Variants in ICE2 observed in about 807,000 individuals in gnomAD.
ICE2 encodes the protein interactor of little elongation complex ELL subunit 2, also known as little elongation complex subunit 2.
Under a neutral mutation model 105.4 loss-of-function variants are expected in ICE2, and 87 were observed. The observed-to-expected ratio is 0.83, with a 90% confidence interval of 0.69 to 0.99. The LOEUF is 0.99. Ranked by LOEUF, ICE2 falls within the 50% of genes least tolerant of loss-of-function variation. The pLI, the probability that ICE2 is intolerant of heterozygous loss-of-function variation, is 0.00. For synonymous variants in ICE2, 399 were observed against 392.0 expected (o/e 1.02, Z -0.21); for missense variants, 1,323 against 1,146.7 (o/e 1.15, Z -2.22).
chr15:60,463,806 C>G (rs2064346008), intron 5 of ICE2, among the ~76,000 whole-genome samples: 1 of 151,946 alleles, frequency 6.6e-6, no homozygotes, highest in Admixed American at 6.6e-5. Context: ...CAAAATCAGG[C>G]AAAAGAGAAG....
intron 3 of ICE2, among the ~76,000 whole-genome samples, chr15:60,473,404 C>T (rs2064664891): frequency 6.6e-6 from 1 of 152,036 alleles, no homozygotes; most frequent in South Asian, 2.1e-4. Context: ...GTGATCCTCA[C>T]ACCTCAGCCT....
At chr15:60,473,268 G>C (rs1425203395) in intron 3 of ICE2, among the ~76,000 whole-genome samples, 1 of 151,576 alleles carries the variant, frequency 6.6e-6, no homozygotes, top group African/African-American at 2.4e-5. Context: ...GTGTGTGTGA[G>C]TGAGTGAGTG....
intron 3 of ICE2, among the ~76,000 whole-genome samples, chr15:60,471,746 T>G (rs2064601342): frequency 6.6e-6 from 1 of 152,122 alleles, no homozygotes. Context: ...CCCTGCATTT[T>G]GTCAACTACC....
intron 4 of ICE2, among the ~76,000 whole-genome samples, 187 bp from the exon 5 acceptor site, chr15:60,466,900 A>C (rs959331094): frequency 6.6e-6 from 1 of 152,240 alleles, no homozygotes; most frequent in African/African-American, 2.4e-5. Flanking sequence ...AACTCCACAA[A>C]ATAGAAAAGC....
intron 5 of ICE2, among the ~76,000 whole-genome samples, 197 bp from the exon 6 acceptor site, chr15:60,456,991 A>G (rs1476044486): frequency 6.6e-6 from 1 of 152,170 alleles, no homozygotes; most frequent in Non-Finnish European, 1.5e-5. Context: ...GATGTTTAAT[A>G]CTAAAATTAG....
chr15:60,469,998 T>C (rs1287997741), intron 3 of ICE2, among the ~76,000 whole-genome samples: 1 of 152,224 alleles, frequency 6.6e-6, no homozygotes, highest in Non-Finnish European at 1.5e-5. Context: ...CACAGTTAAC[T>C]GTTCCTATAA....
chr15:60,459,755 T>C (rs1034038468), intron 5 of ICE2, among the ~76,000 whole-genome samples: 6 of 152,188 alleles, frequency 3.9e-5, no homozygotes, highest in African/African-American at 1.4e-4. Flanking sequence ...GGAGGCTAGT[T>C]GATATTGAAT....
intron 3 of ICE2, 132 bp from the exon 4 acceptor site, chr15:60,468,454 T>A: frequency 1.5e-6 from 1 of 668,624 alleles, no homozygotes; most frequent in Non-Finnish European, 2.5e-6. Context: ...ATTATCTAAC[T>A]CTGCCACCTG....
intron 11 of ICE2, among the ~76,000 whole-genome samples, chr15:60,443,308 AT>A (rs377038220): frequency 5.9e-5 from 9 of 152,352 alleles, no homozygotes; most frequent in African/African-American, 2.2e-4. Context: ...AGAGAAACAC[AT>A]GATTTAAGGT....
At chr15:60,457,092 T>C (rs1488376158) in intron 5 of ICE2, among the ~76,000 whole-genome samples, 1 of 152,112 alleles carries the variant, frequency 6.6e-6, no homozygotes, top group Non-Finnish European at 1.5e-5. Flanking sequence ...TCAACACACT[T>C]TTCTGCAATC....
At chr15:60,445,218 T>C (rs950201227) in intron 11 of ICE2, among the ~76,000 whole-genome samples, 2 of 152,196 alleles carry the variant, frequency 1.3e-5, no homozygotes, top group African/African-American at 2.4e-5. Flanking sequence ...AGCAAGTTGG[T>C]TTTTAGGTAG....
intron 3 of ICE2, among the ~76,000 whole-genome samples, chr15:60,473,236 G>A (rs1488101068): frequency 6.6e-6 from 1 of 151,938 alleles, no homozygotes; most frequent in Non-Finnish European, 1.5e-5. Flanking sequence ...GAGCTGCTGT[G>A]CCCAGCCAAG....
At chr15:60,441,222 C>T (rs113279130) in intron 12 of ICE2, 1 of 152,068 alleles carries the variant, frequency 6.6e-6, no homozygotes, top group Non-Finnish European at 1.5e-5. Flanking sequence ...ACAAAAACTT[C>T]GAGTATGTGT....
At chr15:60,427,073 AAGG>A (rs2063353522) in intron 15 of ICE2, among the ~76,000 whole-genome samples, 2 of 152,240 alleles carry the variant, frequency 1.3e-5, no homozygotes, top group African/African-American at 2.4e-5. Context: ...AGGAATGTAC[AAGG>A]AGTTCTCATT....
At chr15:60,435,170 ACT>A (rs1306954545) in intron 13 of ICE2, among the ~76,000 whole-genome samples, 1 of 152,086 alleles carries the variant, frequency 6.6e-6, no homozygotes, top group Admixed American at 6.6e-5. Context: ...AGTCCCAGCT[ACT>A]CTGGAGGCTG....
intron 5 of ICE2, among the ~76,000 whole-genome samples, chr15:60,459,754 T>G (rs980176749): frequency 6.6e-5 from 10 of 152,200 alleles, no homozygotes; most frequent in Non-Finnish European, 1.5e-4. Flanking sequence ...GGGAGGCTAG[T>G]TGATATTGAA....
chr15:60,473,014 G>C (rs2064649743), intron 3 of ICE2, among the ~76,000 whole-genome samples: 1 of 151,926 alleles, frequency 6.6e-6, no homozygotes, highest in Non-Finnish European at 1.5e-5. Context: ...TGTGATCATG[G>C]CTCACTGTAG....
chr15:60,475,631 A>C (rs547798863), intron 3 of ICE2, among the ~76,000 whole-genome samples: 2 of 152,276 alleles, frequency 1.3e-5, no homozygotes, highest in South Asian at 4.1e-4. Flanking sequence ...AGATAATTGC[A>C]AAACAGTTTT....
intron 6 of ICE2, among the ~76,000 whole-genome samples, chr15:60,455,824 G>C (rs2064094473): frequency 6.6e-6 from 1 of 151,974 alleles, no homozygotes; most frequent in Non-Finnish European, 1.5e-5. Context: ...CGTCATATTG[G>C]CCAGGCTGGT....
Sources: allele counts gnomAD v4.1 joint callset (sites outside exome capture counted in the v4.1 genomes callset), GRCh38; gene constraint gnomAD v4.1.1; transcripts MANE v1.5; gene names NCBI Gene and HGNC (gene_info 2026-07-23, HGNC 2026-07-21).